The following ZNHIT6 variants were observed in gnomAD, a reference collection of about 807,000 sequenced individuals.
ZNHIT6 encodes the protein zinc finger HIT-type containing 6, also known as box C/D snoRNA protein 1.
ZNHIT6 carries 45 observed loss-of-function variants against 57.2 expected under a neutral mutation model. That is an observed-to-expected ratio of 0.79 (90% confidence interval 0.62 to 1.01). The LOEUF is 1.01. Among genes scored for constraint, ZNHIT6 ranks in the 50% least tolerant of loss-of-function variants. The pLI is 0.00. For missense variants in ZNHIT6, 528 were observed against 567.3 expected (o/e 0.93, Z 0.70); for synonymous variants, 188 against 190.0 (o/e 0.99, Z 0.09).
chr1:85,668,946 GA>G (rs1311258051), intron 8 of ZNHIT6, among the ~76,000 whole-genome samples: 1 of 151,882 alleles, frequency 6.6e-6, no homozygotes, highest in Non-Finnish European at 1.5e-5. Flanking sequence ...GTGGTCCCAG[GA>G]AAAACTTATA....
At chr1:85,665,670 TTTAGTC>T (rs1661351358) in intron 8 of ZNHIT6, among the ~76,000 whole-genome samples, 1 of 152,174 alleles carries the variant, frequency 6.6e-6, no homozygotes, top group Admixed American at 6.5e-5. Context: ...AATCTTAATC[TTTAGTC>T]TTAATCTTGC....
intron 5 of ZNHIT6, among the ~76,000 whole-genome samples, chr1:85,699,763 A>C (rs11161649): frequency 0.31 from 47,719 of 152,006 alleles, 8,004 homozygotes; most frequent in East Asian, 0.49. Flanking sequence ...AATTTGTTCA[A>C]GGCTGTTTAA....
At chr1:85,693,908 C>T (rs1268406869) in intron 5 of ZNHIT6, among the ~76,000 whole-genome samples, 1 of 152,130 alleles carries the variant, frequency 6.6e-6, no homozygotes, top group Non-Finnish European at 1.5e-5. Flanking sequence ...TGCTTGAGGC[C>T]AGGAGTTCAA....
chr1:85,686,203 C>T (rs1168115404), intron 5 of ZNHIT6, among the ~76,000 whole-genome samples: 2 of 151,944 alleles, frequency 1.3e-5, no homozygotes, highest in South Asian at 4.2e-4. Context: ...CCTTATGATA[C>T]GCCCGCCTCG....
chr1:85,664,824 G>A (rs1455366322), intron 8 of ZNHIT6, among the ~76,000 whole-genome samples: 2 of 151,646 alleles, frequency 1.3e-5, no homozygotes, highest in Admixed American at 1.3e-4. Flanking sequence ...ATTCTCTCTC[G>A]TTCTGTTGTT....
At chr1:85,683,146 G>A (rs1018376929) in intron 5 of ZNHIT6, among the ~76,000 whole-genome samples, 2 of 152,170 alleles carry the variant, frequency 1.3e-5, no homozygotes, top group Admixed American at 6.5e-5. Context: ...GAGCCCAGGA[G>A]ATTAAGGCTG....
Position 85,707,831 on chromosome 1 carries a change from C to A in ZNHIT6, c.454G>T (p.Val152Leu). The change falls in exon 1 of 10, where the codon GTG becomes TTG. Residue 152 changes from valine to leucine, a missense_variant. Coordinates refer to ENST00000370574, the MANE Select transcript of ZNHIT6 (RefSeq NM_017953.4). ...TCCAAGTTATCCTTCTCTTCCTTCA[C>A]TTCTGACCAGTCCATTACCTCTTCC... ...VKEEVMDWSE[V>L]KEEKDNLEIK... The A allele has an allele frequency of 6.2e-7, 1 of 1,614,150 alleles. No homozygotes were observed. The highest frequency in any genetic ancestry group is 8.5e-7 in the Non-Finnish European group (1 of 1,180,030).
At chr1:85,679,562 TG>T (rs1351894759) in intron 6 of ZNHIT6, among the ~76,000 whole-genome samples, 2 of 63,438 alleles carry the variant, frequency 3.2e-5, no homozygotes, top group African/African-American at 9.9e-5. Context: ...AACATTAAAA[TG>T]TTTTTTTTTT....
At chr1:85,679,848 G>A (rs1661820073) in intron 6 of ZNHIT6, among the ~76,000 whole-genome samples, 2 of 152,192 alleles carry the variant, frequency 1.3e-5, no homozygotes, top group African/African-American at 4.8e-5. Flanking sequence ...ACCTCCCAAA[G>A]TGCTGGGATT....
At chr1:85,704,040 G>A (rs1431792920) in intron 4 of ZNHIT6, among the ~76,000 whole-genome samples, 1 of 152,058 alleles carries the variant, frequency 6.6e-6, no homozygotes, top group Non-Finnish European at 1.5e-5. Context: ...AATCTCATCA[G>A]GAATTAAAGA....
At chr1:85,694,610 C>T (rs149874791) in intron 5 of ZNHIT6, among the ~76,000 whole-genome samples, 11,196 of 152,196 alleles carry the variant, frequency 0.074, 597 homozygotes, top group Middle Eastern at 0.13. Context: ...TACAGGCGCA[C>T]GCCTCCACGC....
Position 85,654,001 on chromosome 1 carries a change from T to C in ZNHIT6, c.*57A>G, listed in dbSNP as rs886893705. On this transcript the variant is annotated 3_prime_UTR_variant, in exon 10 of 10. Transcript: ENST00000370574. ...CCCCAATCAGCCAACAGCCCATCAA[T>C]GCAGAGTCTGCTGCAGTTGTCTGGA... The C allele has an allele frequency of 2.8e-5, 42 of 1,500,194 alleles. No individual in the cohort carries two copies. The highest frequency in any genetic ancestry group is 3.4e-4 in the Middle Eastern group (2 of 5,840). 92.9% of individuals were successfully genotyped at this position (1,500,194 alleles called of 1,614,324 possible).
In ZNHIT6 at chr1:85,690,485, T is replaced by C. The variant is rs182768668; in HGVS notation, c.1020-9581A>G. On this transcript the variant is annotated intron_variant, in intron 5 of 9. Coordinates refer to ENST00000370574, the MANE Select transcript of ZNHIT6 (RefSeq NM_017953.4). Reference sequence around the variant, plus strand: ...CAAATTCTATCTTCTCTAGGAAGTCTTTCCTGTTCCCTGCTCTCAGTGAGT... The same window carrying C: ...CAAATTCTATCTTCTCTAGGAAGTCCTTCCTGTTCCCTGCTCTCAGTGAGT... Among the ~76,000 whole-genome samples, 6 of 152,360 alleles carry C rather than the reference T, an allele frequency of 3.9e-5. No homozygotes were observed. In the East Asian group the frequency reaches 9.6e-4, roughly 24 times the overall value.
rs1365598018 is a variant in ZNHIT6, at chr1:85,650,381, G to A, written c.*3677C>T. On this transcript the variant is annotated 3_prime_UTR_variant, in exon 10 of 10. Transcript: ENST00000370574. ...AAAATAATCAGAGCCAAGTGTGTAG[G>A]ATGGCAAGATGACTGCTTTTGACGT... 6.6e-6 allele frequency: 1 copy of A among 152,172 alleles called. No individual in the cohort carries two copies. Among genetic ancestry groups the A allele is most frequent in the Admixed American group, 6.5e-5 (1 of 15,268 alleles). 9.4% of individuals were successfully genotyped at this position (152,172 alleles called of 1,614,324 possible). A position where few individuals can be genotyped will look rare whatever the true frequency, so the allele number is the denominator to read the frequency against.
At chr1:85,657,432 T>TA (rs1247247322) in intron 9 of ZNHIT6, among the ~76,000 whole-genome samples, 1 of 147,708 alleles carries the variant, frequency 6.8e-6, no homozygotes, top group Non-Finnish European at 1.5e-5. Context: ...TTTTTTTTTT[T>TA]AACCATTCAA....
Position 85,649,823 on chromosome 1 carries a change from C to CAA in ZNHIT6, c.*4233_*4234dup, listed in dbSNP as rs1448997245. On this transcript the variant is annotated 3_prime_UTR_variant, in exon 10 of 10. Coordinates refer to ENST00000370574, the MANE Select transcript of ZNHIT6 (RefSeq NM_017953.4). The stretch of plus-strand genomic sequence containing the variant: ...TGCTATGTGCATCTGCTCAAACTAG[C>CAA]AACAACATGATGTCAAATAAAAATG... 6.6e-6 allele frequency: 1 copy of CAA among 151,414 alleles called. No individual in the cohort carries two copies. The highest frequency in any genetic ancestry group is 1.5e-5 in the Non-Finnish European group (1 of 67,920). The allele number at this position is 151,414 out of a possible 1,614,324, so 9.4% of individuals were successfully genotyped here.
At chr1:85,679,615 T>C (rs915729825) in intron 6 of ZNHIT6, among the ~76,000 whole-genome samples, 1 of 151,078 alleles carries the variant, frequency 6.6e-6, no homozygotes, top group African/African-American at 2.4e-5. Context: ...GACAGAGTCT[T>C]GCTCTGTCGC....
chr1:85,682,555 C>T lies in ZNHIT6; in HGVS notation c.1020-1651G>A, dbSNP rs114573471. On this transcript the variant is annotated intron_variant, in intron 5 of 9. Coordinates refer to ENST00000370574, the MANE Select transcript of ZNHIT6 (RefSeq NM_017953.4). ...CATTCCAAACACAGAGAGAAAAGCC[C>T]TCGGAAATCATTTTATTTGTTGTAG... 8.7e-3 allele frequency among the ~76,000 whole-genome samples: 1,319 copies of T among 152,148 alleles called. 19 individuals are homozygous for T. Among genetic ancestry groups the T allele is most frequent in the African/African-American group, 0.03 (1,249 of 41,516 alleles).
intron 5 of ZNHIT6, among the ~76,000 whole-genome samples, chr1:85,682,948 C>A (rs1661918812): frequency 6.6e-6 from 1 of 152,166 alleles, no homozygotes; most frequent in South Asian, 2.1e-4. Flanking sequence ...GGCGCAGTGG[C>A]TAAAGCCTGT....
Sources: allele counts gnomAD v4.1 joint callset (sites outside exome capture counted in the v4.1 genomes callset), GRCh38; gene constraint gnomAD v4.1.1; transcripts MANE v1.5; gene names NCBI Gene and HGNC (gene_info 2026-07-23, HGNC 2026-07-21).